Variants in TRRAP observed in about 807,000 individuals in gnomAD.
TRRAP encodes transformation/transcription domain-associated protein.
A neutral mutation model predicts 438.8 loss-of-function variants in TRRAP; 41 were observed. The observed-to-expected ratio is 0.09, with a 90% CI of 0.07 to 0.12. The LOEUF (loss-of-function observed/expected upper bound fraction) is 0.12, where lower values mean the gene tolerates loss of function less well. TRRAP is among the 10% of genes least tolerant of loss of function. TRRAP has a pLI of 1.00. For missense variants in TRRAP, 3,122 were observed against 5,055.1 expected (o/e 0.62, Z 11.60); for synonymous variants, 1,994 against 1,962.9 (o/e 1.02, Z -0.42).
Position 98,956,571 on chromosome 7 carries a change from T to C in TRRAP, c.6231+38T>C. On this transcript the variant is annotated intron_variant, in intron 43 of 72. Coordinates refer to ENST00000456197, the MANE Select transcript of TRRAP (RefSeq NM_001375524.1). The surrounding 1 kb of genome is among the most constrained non-coding windows in gnomAD (Gnocchi z 4.5). Reference sequence around the variant, plus strand: ...GCCTCTGTATGGGTGCTGCGCATTCTGCTGGGAGTTGGTTCGTTTATTCCC... The same window carrying C: ...GCCTCTGTATGGGTGCTGCGCATTCCGCTGGGAGTTGGTTCGTTTATTCCC... 6.3e-7 allele frequency: 1 copy of C among 1,592,636 alleles called. No homozygotes were observed. Among genetic ancestry groups the C allele is most frequent in the Non-Finnish European group, 8.5e-7 (1 of 1,171,708 alleles).
chr7:98,893,689 C>A, intron 5 of TRRAP, 109 bp from the exon 6 acceptor site: 2 of 981,918 alleles, frequency 2.0e-6, no homozygotes, highest in Non-Finnish European at 3.1e-6. Context: ...GAATTTTCAG[C>A]AAATCCAATA....
Position 98,965,803 on chromosome 7 carries a change from A to G in TRRAP, c.7084A>G (p.Ile2362Val). The change falls in exon 49 of 73, where the codon ATC (isoleucine) becomes GTC (valine). Residue 2362 changes from isoleucine (I) to valine (V), a missense_variant. Physicochemically the swap from Ile to Val is conservative, Grantham distance 29. Around this residue, in one of 24 missense-constraint regions of TRRAP, gnomAD observed 992 missense variants for 1,281.2 expected, o/e 0.77. Transcript: ENST00000456197. The part of the protein sequence containing the change: ...NFIQAILTSL[I>V]EKSPDAKILR... Reference sequence around the variant, plus strand: ...CATCCAGGCCATCCTGACATCCCTCATCGAAAAATCACCAGATGCCAAAAT... The same window carrying G: ...CATCCAGGCCATCCTGACATCCCTCGTCGAAAAATCACCAGATGCCAAAAT... The G allele has an allele frequency of 1.2e-6, 2 of 1,614,132 alleles. No homozygotes were observed. Among genetic ancestry groups the G allele is most frequent in the Non-Finnish European group, 1.7e-6 (2 of 1,180,012 alleles).
chr7:98,993,782 A>G lies in TRRAP; in HGVS notation c.10047+45A>G, dbSNP rs200602908. Reference sequence around the variant, plus strand: ...CACATGGTGGCTCCTTGTAGAGGGGACGTGGTGTTCTGTATGCTTCTGTGG... The same window carrying G: ...CACATGGTGGCTCCTTGTAGAGGGGGCGTGGTGTTCTGTATGCTTCTGTGG... On this transcript the variant is annotated intron_variant, in intron 66 of 72. Transcript: ENST00000456197. The G allele has an allele frequency of 1.0e-4, 160 of 1,592,040 alleles. No individual in the cohort carries two copies. The African/African-American group carries it at 1.9e-3, about 19-fold the overall frequency.
chr7:98,907,215 C>T (rs1403584571), intron 13 of TRRAP, among the ~76,000 whole-genome samples: 1 of 151,740 alleles, frequency 6.6e-6, no homozygotes, highest in Non-Finnish European at 1.5e-5. Context: ...CCCAACTAGT[C>T]GGGAGGCTGA....
intron 67 of TRRAP, among the ~76,000 whole-genome samples, chr7:98,996,125 C>T (rs190308103): frequency 1.1e-4 from 16 of 151,514 alleles, no homozygotes; most frequent in African/African-American, 3.4e-4. Context: ...ATCTACTTAC[C>T]CTCATCCCAT....
intron 56 of TRRAP, 26 bp from the exon 57 acceptor site, chr7:98,978,185 G>T: frequency 1.3e-6 from 2 of 1,572,446 alleles, no homozygotes; most frequent in South Asian, 1.1e-5. Context: ...GTTAAACAGT[G>T]ATTTAAAAAC....
intron 3 of TRRAP, among the ~76,000 whole-genome samples, chr7:98,885,073 T>TA (rs1795636514): frequency 6.6e-6 from 1 of 152,024 alleles, no homozygotes; most frequent in South Asian, 2.1e-4. Flanking sequence ...TCATCACCCT[T>TA]ACAAACTACA....
At chr7:98,905,490 G>A (rs943527994) in intron 12 of TRRAP, among the ~76,000 whole-genome samples, 9 of 152,152 alleles carry the variant, frequency 5.9e-5, no homozygotes, top group African/African-American at 9.7e-5. Flanking sequence ...ACATGCTGTC[G>A]CTGCCCCATC....
chr7:98,926,250 T>C (rs1270505004), intron 22 of TRRAP, among the ~76,000 whole-genome samples: 5 of 151,796 alleles, frequency 3.3e-5, no homozygotes, highest in African/African-American at 1.2e-4. Flanking sequence ...CCAGAACTGA[T>C]GAAAAAATTA....
In TRRAP at chr7:98,959,388, C is replaced by T. The variant is rs771398392; in HGVS notation, c.6387C>T (p.Leu2129=). ...TNTAGSPGEV[L]SRRCVNLLKT... ...CAGCGGGGTCCCCTGGGGAGGTGCTCTCTCGCCGGTGTGTGAACCTTCTGA... is the reference window on the plus strand; with the variant it reads ...CAGCGGGGTCCCCTGGGGAGGTGCTTTCTCGCCGGTGTGTGAACCTTCTGA... Residue 2129 remains leucine, a synonymous_variant, in exon 45 of 73, where the codon CTC becomes CTT. Transcript: ENST00000456197. 1.8e-5 allele frequency: 29 copies of T among 1,614,144 alleles called. No homozygotes were observed. The South Asian group carries it at 2.3e-4, about 13-fold the overall frequency.
chr7:98,898,860 C>G (rs1366529841), intron 8 of TRRAP, among the ~76,000 whole-genome samples: 1 of 152,084 alleles, frequency 6.6e-6, no homozygotes, highest in Non-Finnish European at 1.5e-5. Flanking sequence ...ACATAGTTTC[C>G]TGAACTTTTT....
intron 48 of TRRAP, among the ~76,000 whole-genome samples, chr7:98,965,128 G>T (rs1355983698): frequency 1.3e-5 from 2 of 152,220 alleles, no homozygotes; most frequent in African/African-American, 2.4e-5. Flanking sequence ...TCTCTCACGT[G>T]TGCATGCGTG....
chr7:98,958,427 G>A (rs189732057), intron 44 of TRRAP, among the ~76,000 whole-genome samples: 3 of 152,178 alleles, frequency 2.0e-5, no homozygotes, highest in Admixed American at 2.0e-4. Context: ...AGCCTCCTGA[G>A]TTGCTGGGAT....
chr7:98,899,614 G>C (rs189638120), intron 9 of TRRAP, 65 bp from the exon 10 acceptor site: 5 of 1,605,972 alleles, frequency 3.1e-6, no homozygotes, highest in East Asian at 2.2e-5. Context: ...TGATTCTTCG[G>C]TATGCCAGAT....
At chr7:98,881,861 A>G (rs1395339474) in intron 2 of TRRAP, 114 bp from the exon 3 acceptor site, 4 of 1,167,160 alleles carry the variant, frequency 3.4e-6, no homozygotes, top group South Asian at 1.5e-5. Context: ...AGGCCATGAC[A>G]GTCAAACTGA....
Position 98,961,287 on chromosome 7 carries a change from G to A in TRRAP, c.6516G>A (p.Gly2172=), listed in dbSNP as rs759353006. Reference sequence around the variant, plus strand: ...AGCAGCCAAACCAAGTGAACTATGGGAATATCTGCACGGGCCTAGAAGTGC... The same window carrying A: ...AGCAGCCAAACCAAGTGAACTATGGAAATATCTGCACGGGCCTAGAAGTGC... ...TVEQPNQVNY[G]NICTGLEVLS... Residue 2172 remains glycine, a synonymous_variant, in exon 46 of 73, where the codon GGG becomes GGA. Transcript: ENST00000456197. 2.5e-6 allele frequency: 4 copies of A among 1,614,124 alleles called. No individual in the cohort carries two copies. Among genetic ancestry groups the A allele is most frequent in the Non-Finnish European group, 3.4e-6 (4 of 1,180,012 alleles).
rs777010140 is a variant in TRRAP at position 98,964,729 on chromosome 7, G to A, written c.6930G>A (p.Glu2310=). Residue 2310 remains glutamate (E), a synonymous_variant, in exon 48 of 73, where the codon GAG becomes GAA. Coordinates refer to ENST00000456197, the MANE Select transcript of TRRAP (RefSeq NM_001375524.1). ...GCTCCCTGCAGAAGATGGTCCGGGA[G>A]CATTTAAACCCTCAGGCAGCGTCAG... The part of the protein sequence containing the change: ...FMRSLQKMVR[E]HLNPQAASGS... 2 of 1,613,622 alleles carry A rather than the reference G, an allele frequency of 1.2e-6. No homozygotes were observed. The highest frequency in any genetic ancestry group is 1.1e-5 in the South Asian group (1 of 90,984).
rs527596095 is a variant in TRRAP at position 99,006,720 on chromosome 7, G to A, written c.10753+1372G>A. Among the ~76,000 whole-genome samples the A allele has an allele frequency of 4.6e-5, 7 of 152,326 alleles. 1 individual carries two copies. Among genetic ancestry groups the A allele is most frequent in the South Asian group, 2.1e-4 (1 of 4,828 alleles). On this transcript the variant is annotated intron_variant, in intron 69 of 72. Transcript: ENST00000456197. ...CACAGCTGCCACTGGGACCCTCACC[G>A]GGCAGGCTTAATCTGCCATCTTCTG...
intron 3 of TRRAP, among the ~76,000 whole-genome samples, chr7:98,886,109 ACT>A (rs1379376948): frequency 3.3e-5 from 5 of 152,052 alleles, no homozygotes; most frequent in Non-Finnish European, 5.9e-5. Flanking sequence ...ACATGGTGAA[ACT>A]CTGTCTCTAC....
Sources: gnomAD v4.1 joint callset for allele counts (sites outside exome capture counted in the v4.1 genomes callset) on GRCh38, gnomAD v4.1.1 for gene constraint, gnomAD v4.1.1 regional missense constraint, Gnocchi (gnomAD v3.1) non-coding constraint, MANE v1.5 for transcripts, NCBI Gene and HGNC (gene_info 2026-07-23, HGNC 2026-07-21) for gene names.